The following CDK5RAP3 variants were observed in gnomAD, a reference collection of about 807,000 sequenced individuals.
The protein encoded by CDK5RAP3 is CDK5 regulatory subunit-associated protein 3.
CDK5RAP3 carries 58 observed loss-of-function variants against 73.3 expected under a neutral mutation model. That is an observed-to-expected ratio of 0.79 (90% CI 0.64 to 0.98). CDK5RAP3 has a LOEUF of 0.98. Ranked by LOEUF, CDK5RAP3 falls within the 50% of genes least tolerant of loss-of-function variation. CDK5RAP3 has a pLI of 0.00. For missense variants in CDK5RAP3, 525 were observed against 615.8 expected (o/e 0.85, Z 1.56); for synonymous variants, 224 against 247.5 (o/e 0.91, Z 0.89).
Position 47,975,513 on chromosome 17 carries a change from G to A in CDK5RAP3, c.514-1G>A. 1.9e-6 allele frequency: 3 copies of A among 1,610,850 alleles called. No homozygotes were observed. Among genetic ancestry groups the A allele is most frequent in the Non-Finnish European group, 1.7e-6 (2 of 1,180,020 alleles). On this transcript the variant is annotated splice_acceptor_variant, in intron 6 of 13. Coordinates refer to ENST00000338399, the MANE Select transcript of CDK5RAP3 (RefSeq NM_176096.3). LOFTEE classifies it high-confidence loss of function. ...GACTCCACCTCTTCTCCCCTCTCTA[G>A]GGCGAAAATGTCCGAGGAGAACTGC... is the stretch of plus-strand genomic sequence containing the variant.
upstream of CDK5RAP3, chr17:47,971,002 A>C: frequency 6.7e-7 from 1 of 1,502,696 alleles, no homozygotes; most frequent in Non-Finnish European, 8.9e-7. Context: ...GTGGAGCGTA[A>C]ACCCTGATTG....
chr17:47,978,467 G>A (rs576133523), intron 10 of CDK5RAP3: 6 of 235,142 alleles, frequency 2.6e-5, no homozygotes, highest in East Asian at 2.2e-4. Context: ...TAGGGGGATC[G>A]GGGCCCTGGA....
chr17:47,980,895 G>A, intron 12 of CDK5RAP3, 97 bp downstream of exon 12: 1 of 1,282,592 alleles, frequency 7.8e-7, no homozygotes, highest in Admixed American at 1.8e-5. Context: ...CCCCATCCCT[G>A]CCTCCTGGCC....
Position 47,978,862 on chromosome 17 carries a change from T to C in CDK5RAP3, c.1022T>C (p.Leu341Pro), listed in dbSNP as rs779109170. 11 of 1,613,948 alleles carry C rather than the reference T, an allele frequency of 6.8e-6. No individual in the cohort carries two copies. Among genetic ancestry groups the C allele is most frequent in the Middle Eastern group, 1.6e-4 (1 of 6,084 alleles). The change falls in exon 11 of 14, where the codon CTG becomes CCG. Residue 341 changes from leucine (L) to proline (P), a missense_variant. Physicochemically the swap from Leu to Pro is moderately conservative, Grantham distance 98. Coordinates refer to ENST00000338399, the MANE Select transcript of CDK5RAP3 (RefSeq NM_176096.3). ...PEGVARGPDALTLLEYTETRN... is the reference protein window; with the variant it reads ...PEGVARGPDAPTLLEYTETRN... ...GGTGTTGCCAGGGGCCCAGATGCCC[T>C]GACACTGCTTGAATACACTGAGACC...
Position 47,981,767 on chromosome 17 carries a change from A to G in CDK5RAP3, c.*265A>G, listed in dbSNP as rs1161074516. On this transcript the variant is annotated 3_prime_UTR_variant, in exon 14 of 14. Transcript: ENST00000338399. Reference sequence around the variant, plus strand: ...AGCGGACTTAATAAAAGAGGAAAAAACTCTTGCTTCAGTACTGACAGTTCC... The same window carrying G: ...AGCGGACTTAATAAAAGAGGAAAAAGCTCTTGCTTCAGTACTGACAGTTCC... 5 of 1,456,052 alleles carry G rather than the reference A, an allele frequency of 3.4e-6. No homozygotes were observed. Among genetic ancestry groups the G allele is most frequent in the Non-Finnish European group, 4.6e-6 (5 of 1,095,226 alleles). 90.2% of individuals were successfully genotyped at this position (1,456,052 alleles called of 1,614,324 possible). A position where few individuals can be genotyped will look rare whatever the true frequency, so the allele number is the denominator to read the frequency against.
In CDK5RAP3 at chr17:47,974,024, G is replaced by A. The variant is rs749368492; in HGVS notation, c.278G>A (p.Arg93Gln). 27 of 1,611,576 alleles carry A rather than the reference G, an allele frequency of 1.7e-5. No homozygotes were observed. Among genetic ancestry groups the A allele is most frequent in the Middle Eastern group, 3.3e-4 (2 of 6,072 alleles). ...KNIFGRYSSQ[R>Q]MKDWQEIIAL... is the part of the protein sequence containing the mutation. ...ATTTTTGGCCGATACTCTTCACAGC[G>A]GATGAAGGCAAGTGTGGGCCAAGGG... Residue 93 changes from arginine (R) to glutamine (Q), a missense_variant, in exon 4 of 14, where the codon CGG becomes CAG. Arg to Gln is a conservative substitution (Grantham distance 43, BLOSUM62 1). Coordinates refer to ENST00000338399, the MANE Select transcript of CDK5RAP3 (RefSeq NM_176096.3).
intron 2 of CDK5RAP3, among the ~76,000 whole-genome samples, chr17:47,972,843 GA>G (rs2036301937): frequency 6.6e-6 from 1 of 152,184 alleles, no homozygotes; most frequent in South Asian, 2.1e-4. Context: ...CTGAGGCACA[GA>G]ATAGTAGACT....
Position 47,975,949 on chromosome 17 carries a change from CAG to C in CDK5RAP3, c.737_738del (p.Glu246AlafsTer14). On this transcript the variant is annotated frameshift_variant, in exon 8 of 14. Transcript: ENST00000338399. LOFTEE classifies it high-confidence loss of function. The stretch of plus-strand genomic sequence containing the variant: ...ACGGTGTACGAGTGGAGGACAGGGA[CAG>C]AGCCCTCTGTGGTGGAACGACCCCA... The C allele has an allele frequency of 1.2e-6, 2 of 1,614,188 alleles. No individual in the cohort carries two copies. The highest frequency in any genetic ancestry group is 1.7e-6 in the Non-Finnish European group (2 of 1,180,036).
intron 2 of CDK5RAP3, 77 bp from the exon 3 acceptor site, chr17:47,973,442 G>A (rs2036314501): frequency 1.9e-6 from 3 of 1,539,730 alleles, no homozygotes; most frequent in East Asian, 4.6e-5. Flanking sequence ...ACTAATTTCA[G>A]TGTATTTCAC....
In CDK5RAP3 at chr17:47,978,069, GTTT is replaced by G. The variant is rs71366815; in HGVS notation, c.988+173_988+175del. The G allele has an allele frequency of 2.2e-3, 655 of 297,502 alleles. 1 individual carries two copies. The highest frequency in any genetic ancestry group is 1.9e-3 in the Non-Finnish European group (305 of 164,710). The allele number at this position is 297,502 out of a possible 1,614,324, so 18.4% of individuals were successfully genotyped here. On this transcript the variant is annotated intron_variant, in intron 10 of 13. Transcript: ENST00000338399. ...TGTGAGCTGAGGGGGACCAAGAGAGGTTTTTTTTTTTTTTTTGGAGACGGAGTT... is the reference window on the plus strand; with the variant it reads ...TGTGAGCTGAGGGGGACCAAGAGAGGTTTTTTTTTTTTTGGAGACGGAGTT...
chr17:47,979,051 C>T, intron 11 of CDK5RAP3, 134 bp downstream of exon 11: 2 of 681,494 alleles, frequency 2.9e-6, no homozygotes, highest in South Asian at 1.7e-5. Flanking sequence ...GCAGGAGCCT[C>T]ACGTATTAGA....
intron 11 of CDK5RAP3, 112 bp from the exon 12 acceptor site, chr17:47,980,481 G>T (rs2036525060): frequency 1.1e-6 from 1 of 877,974 alleles, no homozygotes; most frequent in African/African-American, 1.6e-5. Flanking sequence ...TTCCCAGGCT[G>T]GTCTTGAACT....
At chr17:47,970,657 C>T (rs1224280409), upstream of CDK5RAP3, 3 of 1,535,468 alleles carry the variant, frequency 2.0e-6, no homozygotes, top group Non-Finnish European at 2.6e-6. Flanking sequence ...GGAGGCAAAG[C>T]ATGACAAGTG....
Position 47,976,760 on chromosome 17 carries a change from T to A in CDK5RAP3, c.847T>A (p.Ser283Thr), listed in dbSNP as rs948840473. The change falls in exon 9 of 14, where the codon TCT becomes ACT. Residue 283 changes from serine to threonine, a missense_variant. This residue lies in a region of CDK5RAP3 where 409 missense variants were observed against 429.8 expected (regional missense o/e 0.95). Transcript: ENST00000338399. Reference sequence around the variant, plus strand: ...AGAGGCAGTGTCTGAGGGGACTGACTCTGGCATCTCTGCCGAGGCTGCTGG... The same window carrying A: ...AGAGGCAGTGTCTGAGGGGACTGACACTGGCATCTCTGCCGAGGCTGCTGG... ...GVEAVSEGTDSGISAEAAGID... is the reference protein window; with the variant it reads ...GVEAVSEGTDTGISAEAAGID... 2 of 1,612,778 alleles carry A rather than the reference T, an allele frequency of 1.2e-6. No homozygotes were observed. Among genetic ancestry groups the A allele is most frequent in the African/African-American group, 2.7e-5 (2 of 74,866 alleles).
upstream of CDK5RAP3, chr17:47,970,894 C>T (rs1448629310): frequency 2.1e-6 from 3 of 1,441,884 alleles, no homozygotes; most frequent in Non-Finnish European, 1.8e-6. Context: ...GTCCCCTGCC[C>T]TGAGCCCGCC....
At chr17:47,972,914 G>A (rs964322856) in intron 2 of CDK5RAP3, among the ~76,000 whole-genome samples, 9 of 152,158 alleles carry the variant, frequency 5.9e-5, no homozygotes, top group Non-Finnish European at 1.2e-4. Context: ...TCAGCTCTTA[G>A]CTCTCACTGA....
chr17:47,973,469 A>AT, intron 2 of CDK5RAP3, 50 bp from the exon 3 acceptor site: 1 of 1,593,596 alleles, frequency 6.3e-7, no homozygotes, highest in Non-Finnish European at 8.6e-7. Flanking sequence ...TAGTGATGGA[A>AT]TTTTGGTGAT....
upstream of CDK5RAP3, chr17:47,970,431 C>A: frequency 1.9e-6 from 1 of 535,616 alleles, no homozygotes; most frequent in South Asian, 2.2e-5. Context: ...GCTTGCACCC[C>A]TCTTGCAGTT....
chr17:47,968,497 TTTTGTTTG>T (rs1406803573), upstream of CDK5RAP3, among the ~76,000 whole-genome samples: 1 of 149,126 alleles, frequency 6.7e-6, no homozygotes, highest in Admixed American at 6.7e-5. Context: ...TGGTTTTTGT[TTTTGTTTG>T]TTTGTTTGTT....
Sources: gnomAD v4.1 joint callset for allele counts (sites outside exome capture counted in the v4.1 genomes callset) on GRCh38, gnomAD v4.1.1 for gene constraint, gnomAD v4.1.1 regional missense constraint, MANE v1.5 for transcripts, NCBI Gene and HGNC (gene_info 2026-07-23, HGNC 2026-07-21) for gene names.